The following CCDC146 variants were observed in gnomAD, a reference collection of about 807,000 sequenced individuals.
CCDC146 encodes coiled-coil domain-containing protein 146.
CCDC146 carries 92 observed loss-of-function variants against 119.3 expected under a neutral mutation model. The observed-to-expected ratio is 0.77, with a 90% CI of 0.65 to 0.92. The LOEUF (loss-of-function observed/expected upper bound fraction) is 0.92. CCDC146 is among the 40% of genes least tolerant of loss of function. CCDC146 has a pLI of 0.00. For synonymous variants in CCDC146, 372 were observed against 371.8 expected (o/e 1.00, Z -0.01); for missense variants, 1,000 against 1,103.0 (o/e 0.91, Z 1.32).
chr7:77,215,751 T>C (rs1277628919), intron 2 of CCDC146, among the ~76,000 whole-genome samples: 3 of 148,994 alleles, frequency 2.0e-5, no homozygotes, highest in Non-Finnish European at 4.5e-5. Flanking sequence ...ACATAACTGT[T>C]TCAGAATAAC....
At chr7:77,174,694 A>G (rs1306017471) in intron 2 of CCDC146, among the ~76,000 whole-genome samples, 1 of 152,210 alleles carries the variant, frequency 6.6e-6, no homozygotes, top group East Asian at 1.9e-4. Context: ...GTGATGTCCA[A>G]GCCCCACCTC....
chr7:77,157,835 G>A (rs543141547), intron 1 of CCDC146, among the ~76,000 whole-genome samples: 1 of 152,278 alleles, frequency 6.6e-6, no homozygotes, highest in South Asian at 2.1e-4. Context: ...AGAATTTTAT[G>A]TCTGTGATTT....
At chr7:77,145,993 G>A (rs1034851251) in intron 1 of CCDC146, among the ~76,000 whole-genome samples, 4 of 151,860 alleles carry the variant, frequency 2.6e-5, no homozygotes, top group Non-Finnish European at 5.9e-5. Flanking sequence ...CTGTCTCATT[G>A]ATCTGTCTAA....
At chr7:77,231,692 A>G (rs1255842757) in intron 2 of CCDC146, among the ~76,000 whole-genome samples, 2 of 151,730 alleles carry the variant, frequency 1.3e-5, no homozygotes, top group Admixed American at 6.6e-5. Flanking sequence ...TTGTCATCAT[A>G]CTCTCCTTTA....
rs753437199 is a variant in CCDC146 at position 77,294,846 on chromosome 7, A to G, written c.2848A>G (p.Ile950Val). ...TATGAGGCACATAAGGAAACCTGTT[A>G]TAAAGCCAGTTGAAATCTGAATATG... ...ANMRHIRKPVIKPVEI is the reference protein window; with the variant it reads ...ANMRHIRKPVVKPVEI The change falls in exon 19 of 19, where the codon ATA becomes GTA. Residue 950 changes from isoleucine to valine, a missense_variant. Around this residue, in one of 2 missense-constraint regions of CCDC146, gnomAD observed 985 missense variants for 1,045.3 expected, o/e 0.94. Coordinates refer to ENST00000285871, the MANE Select transcript of CCDC146 (RefSeq NM_020879.3). 6.2e-7 allele frequency: 1 copy of G among 1,613,932 alleles called. No homozygotes were observed. Among genetic ancestry groups the G allele is most frequent in the Admixed American group, 1.7e-5 (1 of 60,020 alleles).
Position 77,278,765 on chromosome 7 carries a change from A to G in CCDC146, c.1454A>G (p.Asn485Ser), listed in dbSNP as rs761784540. 16 of 1,610,766 alleles carry G rather than the reference A, an allele frequency of 9.9e-6. No individual in the cohort carries two copies. The highest frequency in any genetic ancestry group is 1.1e-5 in the South Asian group (1 of 90,738). ...TGTACATTTCAGCAAAAATACACCA[A>G]CATTGTTAAAGAAATGAAAGCAAAG... ...DFLKAQQKYT[N>S]IVKEMKAKDL... The change falls in exon 12 of 19, where the codon AAC (asparagine) becomes AGC (serine). Residue 485 changes from asparagine (N) to serine (S), a missense_variant. Asn to Ser is a conservative substitution (Grantham distance 46, BLOSUM62 1). Around this residue, in one of 2 missense-constraint regions of CCDC146, gnomAD observed 985 missense variants for 1,045.3 expected, o/e 0.94. Coordinates refer to ENST00000285871, the MANE Select transcript of CCDC146 (RefSeq NM_020879.3).
chr7:77,167,462 T>C (rs998089715), intron 1 of CCDC146, among the ~76,000 whole-genome samples, 196 bp from the exon 2 acceptor site: 6 of 152,098 alleles, frequency 3.9e-5, no homozygotes, highest in Admixed American at 2.0e-4. Flanking sequence ...GAATGATTGA[T>C]TTGAATGCAA....
intron 14 of CCDC146, among the ~76,000 whole-genome samples, chr7:77,281,150 CTATG>C (rs35290024): frequency 0.29 from 43,332 of 151,040 alleles, 6,732 homozygotes; most frequent in African/African-American, 0.41. Context: ...AAATACCGTC[CTATG>C]TCATAAACAG....
chr7:77,180,287 C>T (rs1050081406), intron 2 of CCDC146, among the ~76,000 whole-genome samples: 3 of 152,092 alleles, frequency 2.0e-5, no homozygotes, highest in Non-Finnish European at 4.4e-5. Flanking sequence ...CACACACACA[C>T]ACACACACCC....
chr7:77,190,956 G>C (rs1160938305), intron 2 of CCDC146, among the ~76,000 whole-genome samples: 1 of 151,978 alleles, frequency 6.6e-6, no homozygotes, highest in Non-Finnish European at 1.5e-5. Context: ...CAGTAGGGTG[G>C]AACAATCACT....
Position 77,167,641 on chromosome 7 carries a change from T to C in CCDC146, c.-11-17T>C. ...AGACACTCCTAAATAGCCACATATG[T>C]ATTAATTTTATTTTAGAATCGTGAA... On this transcript the variant is annotated splice_polypyrimidine_tract_variant and intron_variant, in intron 1 of 18. Transcript: ENST00000285871. 8.6e-7 allele frequency: 1 copy of C among 1,159,188 alleles called. No individual in the cohort carries two copies. Among genetic ancestry groups the C allele is most frequent in the Non-Finnish European group, 1.1e-6 (1 of 879,314 alleles). 71.8% of individuals were successfully genotyped at this position (1,159,188 alleles called of 1,614,324 possible). A position where few individuals can be genotyped will look rare whatever the true frequency, so the allele number is the denominator to read the frequency against.
chr7:77,263,744 T>A (rs1220865759), intron 9 of CCDC146, among the ~76,000 whole-genome samples: 1 of 152,136 alleles, frequency 6.6e-6, no homozygotes, highest in Admixed American at 6.5e-5. Flanking sequence ...GCCAACATGG[T>A]GAAACCCTGT....
chr7:77,191,347 C>G (rs776518830), intron 2 of CCDC146, among the ~76,000 whole-genome samples: 2 of 152,142 alleles, frequency 1.3e-5, no homozygotes, highest in Non-Finnish European at 1.5e-5. Flanking sequence ...CTCATATCCG[C>G]AGATTTGACC....
chr7:77,252,667 G>A lies in CCDC146; in HGVS notation c.450-1839G>A, dbSNP rs753479983. ...AAATAAGGATGTTTAACGCATCACTGTAACTGGCACTGTGGAAACGGTATA... is the reference window on the plus strand; with the variant it reads ...AAATAAGGATGTTTAACGCATCACTATAACTGGCACTGTGGAAACGGTATA... On this transcript the variant is annotated intron_variant, in intron 4 of 18. Transcript: ENST00000285871. 3.4e-4 allele frequency among the ~76,000 whole-genome samples: 51 copies of A among 152,180 alleles called. 1 individual carries two copies. Among genetic ancestry groups the A allele is most frequent in the Non-Finnish European group, 6.2e-4 (42 of 68,040 alleles).
intron 8 of CCDC146, among the ~76,000 whole-genome samples, chr7:77,260,751 C>A (rs1222628660): frequency 6.6e-6 from 1 of 152,040 alleles, no homozygotes; most frequent in African/African-American, 2.4e-5. Flanking sequence ...CTCAGCCTCC[C>A]GAGTAGTTGG....
chr7:77,210,838 G>T (rs969360359), intron 2 of CCDC146, among the ~76,000 whole-genome samples: 1 of 152,154 alleles, frequency 6.6e-6, no homozygotes, highest in African/African-American at 2.4e-5. Flanking sequence ...AGGAGGGAGA[G>T]AGTGTGAAAG....
At chr7:77,290,727 G>T (rs548087353) in intron 17 of CCDC146, among the ~76,000 whole-genome samples, 3 of 152,172 alleles carry the variant, frequency 2.0e-5, no homozygotes, top group Non-Finnish European at 4.4e-5. Context: ...TTAAAAATTA[G>T]TTCAGTATAG....
intron 2 of CCDC146, among the ~76,000 whole-genome samples, chr7:77,168,357 T>G (rs1021779758): frequency 2.0e-5 from 3 of 151,780 alleles, no homozygotes; most frequent in South Asian, 2.1e-4. Context: ...GAGGAGAGTT[T>G]TTTTTTTTTT....
intron 15 of CCDC146, among the ~76,000 whole-genome samples, chr7:77,286,009 C>T (rs1649417575): frequency 6.6e-6 from 1 of 152,186 alleles, no homozygotes; most frequent in South Asian, 2.1e-4. Context: ...CTGTAACAAC[C>T]TGCAATGAAG....
Sources: allele counts gnomAD v4.1 joint callset (sites outside exome capture counted in the v4.1 genomes callset), GRCh38; gene constraint gnomAD v4.1.1; regional missense constraint gnomAD v4.1.1; transcripts MANE v1.5; gene names NCBI Gene and HGNC (gene_info 2026-07-23, HGNC 2026-07-21).